The following PADI4 variants were observed in gnomAD, a reference collection of about 807,000 sequenced individuals.
PADI4 encodes protein-arginine deiminase type-4.
In PADI4, 62 loss-of-function variants were observed where a neutral mutation model predicts 75.0. The observed-to-expected ratio is 0.83, with a 90% confidence interval of 0.67 to 1.02. The LOEUF is 1.02. Among genes scored for constraint, PADI4 ranks in the 50% least tolerant of loss-of-function variants. The probability of loss-of-function intolerance (pLI) is 0.00; values close to 1 mark genes in which losing one functional copy is unlikely to be tolerated. For missense variants in PADI4, 845 were observed against 850.5 expected, an observed-to-expected ratio of 0.99 and a Z score of 0.08; for synonymous variants, 361 against 348.1, an observed-to-expected ratio of 1.04 and a Z score of -0.41.
chr1:17,342,812 T>TA (rs2074447212), intron 8 of PADI4, among the ~76,000 whole-genome samples: 1 of 151,932 alleles, frequency 6.6e-6, no homozygotes, highest in Non-Finnish European at 1.5e-5. Flanking sequence ...CTGTCTCTAC[T>TA]AAAAAATACA....
chr1:17,352,062 GGAGGTGGGAAGA>G (rs2074657204), intron 10 of PADI4, among the ~76,000 whole-genome samples: 2 of 133,084 alleles, frequency 1.5e-5, no homozygotes, highest in Non-Finnish European at 3.3e-5. Context: ...GGAGGTGATG[GGAGGTGGGAAGA>G]GAGGCAGTCA....
chr1:17,344,008 C>T (rs1557567199), intron 8 of PADI4, among the ~76,000 whole-genome samples: 1 of 152,082 alleles, frequency 6.6e-6, no homozygotes, highest in African/African-American at 2.4e-5. Context: ...CAGAGGAAGA[C>T]AGGAAAATGT....
At chr1:17,335,164 C>CAT (rs10667653) in intron 3 of PADI4, among the ~76,000 whole-genome samples, 83,336 of 151,152 alleles carry the variant, frequency 0.55, 23,186 homozygotes, top group East Asian at 0.59. Flanking sequence ...TATACACACA[C>CAT]ATATATATAT....
At chr1:17,352,839 G>C (rs1479341134) in intron 10 of PADI4, among the ~76,000 whole-genome samples, 1 of 152,134 alleles carries the variant, frequency 6.6e-6, no homozygotes, top group African/African-American at 2.4e-5. Flanking sequence ...GGGAGGGAAG[G>C]GATGCCCAGA....
chr1:17,363,892 C>T lies in PADI4; in HGVS notation c.*137C>T. ...TCCCAGCAGTGGCTTGCTTTCTTCT[C>T]CTGTGATGTCCCAGTTTCCCACTCT... On this transcript the variant is annotated 3_prime_UTR_variant, in exon 16 of 16. Coordinates refer to ENST00000375448, the MANE Select transcript of PADI4 (RefSeq NM_012387.3). The T allele has an allele frequency of 1.6e-6, 1 of 611,316 alleles. No homozygotes were observed. Among genetic ancestry groups the T allele is most frequent in the South Asian group, 2.0e-5 (1 of 50,884 alleles). 37.9% of individuals were successfully genotyped at this position (611,316 alleles called of 1,614,324 possible).
chr1:17,331,284 TCCAGCCATA>T (rs1159302015), intron 2 of PADI4, 135 bp downstream of exon 2: 10 of 693,432 alleles, frequency 1.4e-5, no homozygotes, highest in Admixed American at 3.4e-5. Context: ...GATGGCTTCT[TCCAGCCATA>T]GTGTCCTTGG....
At chr1:17,354,204 C>T (rs533032996) in intron 10 of PADI4, among the ~76,000 whole-genome samples, 13 of 152,184 alleles carry the variant, frequency 8.5e-5, no homozygotes, top group South Asian at 4.1e-4. Flanking sequence ...GATCATGCCA[C>T]GGCCCTCCAA....
chr1:17,356,280 C>G lies in PADI4; in HGVS notation c.1456-77C>G. On this transcript the variant is annotated intron_variant, in intron 12 of 15. Coordinates refer to ENST00000375448, the MANE Select transcript of PADI4 (RefSeq NM_012387.3). The surrounding 1 kb of genome is among the most constrained non-coding windows in gnomAD (Gnocchi z 4.1). ...GCTTGGGTCCAAGTCCACACTACTC[C>G]CACCCTCAGCAGATCCACCCTCGTT... The G allele has an allele frequency of 3.1e-6, 4 of 1,272,006 alleles. No individual in the cohort carries two copies. Among genetic ancestry groups the G allele is most frequent in the Non-Finnish European group, 3.3e-6 (3 of 908,148 alleles). 78.8% of individuals were successfully genotyped at this position (1,272,006 alleles called of 1,614,324 possible). A position where few individuals can be genotyped will look rare whatever the true frequency, so the allele number is the denominator to read the frequency against.
chr1:17,340,011 T>C (rs1338548122), intron 6 of PADI4, among the ~76,000 whole-genome samples, 198 bp downstream of exon 6: 1 of 150,768 alleles, frequency 6.6e-6, no homozygotes, highest in Non-Finnish European at 1.5e-5. Context: ...GACTCGTTAT[T>C]GCTCCCTGCT....
chr1:17,330,884 T>A, intron 1 of PADI4, 85 bp from the exon 2 acceptor site: 2 of 862,578 alleles, frequency 2.3e-6, no homozygotes, highest in Non-Finnish European at 3.6e-6. Flanking sequence ...ATATTAACCA[T>A]CACAAGGAGA....
chr1:17,336,880 C>A (rs959929140), intron 4 of PADI4, among the ~76,000 whole-genome samples: 1 of 152,168 alleles, frequency 6.6e-6, no homozygotes, highest in Admixed American at 6.5e-5. Flanking sequence ...GTCCCTGTAT[C>A]CCTCCCGAAA....
At chr1:17,341,186 C>T (rs1187908680) in intron 6 of PADI4, among the ~76,000 whole-genome samples, 1 of 151,478 alleles carries the variant, frequency 6.6e-6, no homozygotes, top group Non-Finnish European at 1.5e-5. Context: ...GCAACCTCCA[C>T]CTCCTGGGTT....
chr1:17,331,100 A>C lies in PADI4; in HGVS notation c.224A>C (p.Glu75Ala). The C allele has an allele frequency of 3.1e-6, 5 of 1,612,246 alleles. No homozygotes were observed. The highest frequency in any genetic ancestry group is 4.2e-6 in the Non-Finnish European group (5 of 1,179,222). The change falls in exon 2 of 16, where the codon GAG becomes GCG. Residue 75 changes from glutamate to alanine, a missense_variant. Transcript: ENST00000375448. ...ACATGGCCCCTGGACCCTGGGGTAG[A>C]GGTGACCCTGACGATGAAAGTGGCC... is the stretch of plus-strand genomic sequence containing the variant. Reference protein sequence around the residue: ...SSTWPLDPGVEVTLTMKVASG... With the variant: ...SSTWPLDPGVAVTLTMKVASG...
chr1:17,331,152 G>A lies in PADI4; in HGVS notation c.273+3G>A, dbSNP rs1436451235. On this transcript the variant is annotated splice_donor_region_variant and intron_variant, in intron 2 of 15. Transcript: ENST00000375448. ...GTGGTAGCACAGGCGACCAGAAGGT[G>A]AGTGTCATAGCTGTGGGGTGGCAGT... The A allele has an allele frequency of 6.2e-7, 1 of 1,608,866 alleles. No individual in the cohort carries two copies. Among genetic ancestry groups the A allele is most frequent in the Non-Finnish European group, 8.5e-7 (1 of 1,177,736 alleles).
chr1:17,352,937 A>G (rs1242529450), intron 10 of PADI4, among the ~76,000 whole-genome samples: 3 of 152,188 alleles, frequency 2.0e-5, no homozygotes, highest in Non-Finnish European at 4.4e-5. Context: ...TTGGAGGTGA[A>G]CCAGGATCCC....
At chr1:17,360,340 C>G (rs770404527) in intron 15 of PADI4, among the ~76,000 whole-genome samples, 14 of 151,742 alleles carry the variant, frequency 9.2e-5, no homozygotes, top group Non-Finnish European at 1.9e-4. Flanking sequence ...AAGACCTGCT[C>G]TTTTTATAGC....
At chr1:17,344,790 A>C (rs998541975) in intron 8 of PADI4, among the ~76,000 whole-genome samples, 1 of 152,226 alleles carries the variant, frequency 6.6e-6, no homozygotes, top group African/African-American at 2.4e-5. Context: ...GGAAACGCCT[A>C]GATGCCCAGG....
At chr1:17,336,366 T>G in intron 4 of PADI4, 140 bp downstream of exon 4, 1 of 638,650 alleles carries the variant, frequency 1.6e-6, no homozygotes, top group Non-Finnish European at 2.8e-6. Context: ...AGCATCACCA[T>G]TAATATTTTG....
At chr1:17,320,885 G>T (rs936628997) in intron 1 of PADI4, among the ~76,000 whole-genome samples, 1 of 152,204 alleles carries the variant, frequency 6.6e-6, no homozygotes, top group Non-Finnish European at 1.5e-5. Flanking sequence ...AGATGGAGTT[G>T]CTCTGGTTCA....
Sources: gnomAD v4.1 joint callset for allele counts (sites outside exome capture counted in the v4.1 genomes callset) on GRCh38, gnomAD v4.1.1 for gene constraint, Gnocchi (gnomAD v3.1) non-coding constraint, MANE v1.5 for transcripts, NCBI Gene and HGNC (gene_info 2026-07-23, HGNC 2026-07-21) for gene names.